The following HYCC1 variants were observed in gnomAD, a reference collection of about 807,000 sequenced individuals.
HYCC1 encodes hyccin.
the HYCC1 span, among the ~76,000 whole-genome samples, chr7:22,963,894 TAAG>T: frequency 6.6e-6 from 1 of 152,102 alleles, no homozygotes; most frequent in Non-Finnish European, 1.5e-5. Flanking sequence ...ATACATATAA[TAAG>T]AGAATTATAA....
At chr7:22,898,354 C>T in the HYCC1 span, among the ~76,000 whole-genome samples, 1 of 151,928 alleles carries the variant, frequency 6.6e-6, no homozygotes, top group Admixed American at 6.6e-5. Context: ...GCTAGGATTA[C>T]AGGCACACAC....
the HYCC1 span, among the ~76,000 whole-genome samples, chr7:22,993,869 C>CAT: frequency 6.6e-6 from 1 of 152,198 alleles, no homozygotes; most frequent in East Asian, 1.9e-4. Context: ...AGGATATATA[C>CAT]ATATACTCTA....
chr7:22,914,255 G>C, the HYCC1 span, among the ~76,000 whole-genome samples: 2 of 152,202 alleles, frequency 1.3e-5, no homozygotes, highest in Non-Finnish European at 2.9e-5. Context: ...TTGGTGGCAA[G>C]TCAATTGCGG....
chr7:22,935,351 TA>T, the HYCC1 span: 2 of 152,208 alleles, frequency 1.3e-5, no homozygotes, highest in Admixed American at 1.3e-4. Context: ...GGATCATTTT[TA>T]ATCTGATTTC....
At chr7:22,931,959 G>A in the HYCC1 span, among the ~76,000 whole-genome samples, 1 of 152,168 alleles carries the variant, frequency 6.6e-6, no homozygotes, top group Non-Finnish European at 1.5e-5. Flanking sequence ...GATAAATTGA[G>A]AAGGGAACTA....
At chr7:22,954,820 C>T in the HYCC1 span, among the ~76,000 whole-genome samples, 1 of 151,418 alleles carries the variant, frequency 6.6e-6, no homozygotes, top group Non-Finnish European at 1.5e-5. Context: ...TAATTAAATG[C>T]ACTGTTATTA....
chr7:23,012,782 G>A, the HYCC1 span, among the ~76,000 whole-genome samples: 2 of 152,166 alleles, frequency 1.3e-5, no homozygotes, highest in Admixed American at 6.5e-5. Context: ...AAGCCTCCCA[G>A]TCTTTCTGAC....
the HYCC1 span, among the ~76,000 whole-genome samples, chr7:22,966,046 A>G: frequency 6.6e-6 from 1 of 152,214 alleles, no homozygotes; most frequent in Non-Finnish European, 1.5e-5. Context: ...AATACTATAG[A>G]AACTAAACAT....
the HYCC1 span, chr7:22,991,278 C>CA: frequency 1.7e-6 from 1 of 582,760 alleles, no homozygotes; most frequent in East Asian, 3.0e-5. Flanking sequence ...AAATTCATTT[C>CA]AAAACCAATG....
the HYCC1 span, among the ~76,000 whole-genome samples, chr7:22,904,115 TTAGTAA>T: frequency 5.9e-5 from 9 of 151,920 alleles, no homozygotes; most frequent in African/African-American, 2.2e-4. Flanking sequence ...CTAAAGAAAC[TTAGTAA>T]TTGAAACCTT....
At chr7:22,929,413 A>C in the HYCC1 span, among the ~76,000 whole-genome samples, 30 of 152,294 alleles carry the variant, frequency 2.0e-4, no homozygotes, top group South Asian at 1.0e-3. Context: ...CAACCTACAA[A>C]ATGGGAGAAC....
chr7:22,955,025 T>A, the HYCC1 span, among the ~76,000 whole-genome samples: 1 of 151,600 alleles, frequency 6.6e-6, no homozygotes, highest in Non-Finnish European at 1.5e-5. Flanking sequence ...ACAACATTTT[T>A]AAAATCCTTA....
chr7:22,980,371 A>G, the HYCC1 span, among the ~76,000 whole-genome samples: 3 of 151,932 alleles, frequency 2.0e-5, no homozygotes, highest in African/African-American at 7.3e-5. Context: ...TATGTGTTAA[A>G]TGGGCTTTTA....
At chr7:22,917,405 C>G in the HYCC1 span, among the ~76,000 whole-genome samples, 2 of 152,152 alleles carry the variant, frequency 1.3e-5, no homozygotes, top group African/African-American at 2.4e-5. Context: ...TCTCAGTGTT[C>G]CATCTGCTAT....
chr7:22,943,872 T>C, the HYCC1 span: 3 of 152,584 alleles, frequency 2.0e-5, no homozygotes, highest in Admixed American at 6.6e-5. Context: ...TCCATTCTGT[T>C]ACTGGAGCTA....
At chr7:22,981,150 T>C in the HYCC1 span, among the ~76,000 whole-genome samples, 80 of 152,332 alleles carry the variant, frequency 5.3e-4, no homozygotes, top group Middle Eastern at 0.017. Flanking sequence ...GTTTAGTTAT[T>C]TGTTTAATGT....
At chr7:22,919,832 A>G in the HYCC1 span, among the ~76,000 whole-genome samples, 2 of 152,154 alleles carry the variant, frequency 1.3e-5, no homozygotes, top group Non-Finnish European at 2.9e-5. Context: ...GTGCACCAAC[A>G]TTCACATAAG....
the HYCC1 span, among the ~76,000 whole-genome samples, chr7:22,898,833 C>A: frequency 6.6e-6 from 1 of 151,330 alleles, no homozygotes; most frequent in African/African-American, 2.4e-5. Flanking sequence ...AAACTCCTGA[C>A]CTTGTGATCT....
chr7:22,903,762 C>T, the HYCC1 span, among the ~76,000 whole-genome samples: 5 of 152,146 alleles, frequency 3.3e-5, no homozygotes, highest in South Asian at 2.1e-4. Context: ...ACTAATATCC[C>T]TCATGAGTAG....
Sources: allele counts gnomAD v4.1 joint callset (sites outside exome capture counted in the v4.1 genomes callset), GRCh38; gene constraint gnomAD v4.1.1; transcripts MANE v1.5; gene names NCBI Gene and HGNC (gene_info 2026-07-23, HGNC 2026-07-21).